Variants in MAPKAP1 observed in about 807,000 individuals in gnomAD.
MAPKAP1 encodes the protein target of rapamycin complex 2 subunit MAPKAP1.
In MAPKAP1, 20 loss-of-function variants were observed where a neutral mutation model predicts 65.7. That is an observed-to-expected ratio of 0.30 (90% CI 0.21 to 0.44). The LOEUF (loss-of-function observed/expected upper bound fraction) is 0.44. Ranked by LOEUF, MAPKAP1 falls within the 20% of genes least tolerant of loss-of-function variation. The pLI, the probability that MAPKAP1 is intolerant of heterozygous loss-of-function variation, is 1.00. For missense variants in MAPKAP1, 423 were observed against 648.0 expected (o/e 0.65, Z 3.77); for synonymous variants, 222 against 244.3 (o/e 0.91, Z 0.85).
At chr9:125,560,323 T>C (rs575111032) in intron 5 of MAPKAP1, among the ~76,000 whole-genome samples, 1 of 152,254 alleles carries the variant, frequency 6.6e-6, no homozygotes, top group South Asian at 2.1e-4. Flanking sequence ...TGGTGGCTCA[T>C]GCCTGTAATC....
intron 4 of MAPKAP1, among the ~76,000 whole-genome samples, chr9:125,624,659 G>C (rs1833040843): frequency 2.8e-5 from 2 of 71,864 alleles, no homozygotes; most frequent in Non-Finnish European, 6.0e-5. Flanking sequence ...CGTCCGGGAG[G>C]TGAGGGGCGC....
At chr9:125,592,616 A>G (rs1324134136) in intron 4 of MAPKAP1, among the ~76,000 whole-genome samples, 2 of 152,166 alleles carry the variant, frequency 1.3e-5, no homozygotes, top group African/African-American at 4.8e-5. Flanking sequence ...AGAACATACT[A>G]TGTGCTGGCC....
chr9:125,635,050 T>G (rs1833384820), intron 4 of MAPKAP1, among the ~76,000 whole-genome samples: 1 of 152,236 alleles, frequency 6.6e-6, no homozygotes, highest in African/African-American at 2.4e-5. Context: ...ACCAGTCTCA[T>G]GATGGACTCA....
At chr9:125,519,726 C>G (rs1385698510) in intron 7 of MAPKAP1, among the ~76,000 whole-genome samples, 2 of 150,652 alleles carry the variant, frequency 1.3e-5, no homozygotes, top group African/African-American at 4.9e-5. Flanking sequence ...CAACTGCAGA[C>G]CAAGGGTCAG....
chr9:125,693,413 T>C (rs1239860484), intron 1 of MAPKAP1, among the ~76,000 whole-genome samples: 5 of 91,456 alleles, frequency 5.5e-5, no homozygotes, highest in African/African-American at 2.7e-4. Flanking sequence ...AAATTCCGCC[T>C]CAAAAAAAAA....
chr9:125,661,586 T>C (rs893161735), intron 3 of MAPKAP1, among the ~76,000 whole-genome samples: 4 of 152,206 alleles, frequency 2.6e-5, no homozygotes, highest in African/African-American at 9.7e-5. Flanking sequence ...GTATGCTATC[T>C]TTAATCTAAA....
chr9:125,703,436 T>C (rs369980539), intron 1 of MAPKAP1, among the ~76,000 whole-genome samples: 1 of 152,094 alleles, frequency 6.6e-6, no homozygotes, highest in Admixed American at 6.5e-5. Context: ...TCACAAAAAC[T>C]TCGAACTCAC....
At chr9:125,693,465 A>G (rs1247404006) in intron 1 of MAPKAP1, among the ~76,000 whole-genome samples, 1 of 150,664 alleles carries the variant, frequency 6.6e-6, no homozygotes, top group African/African-American at 2.4e-5. Context: ...ACATACATGT[A>G]TATATACACA....
chr9:125,577,873 C>T (rs1201445084), intron 5 of MAPKAP1, among the ~76,000 whole-genome samples: 4 of 151,280 alleles, frequency 2.6e-5, no homozygotes, highest in Admixed American at 6.6e-5. Context: ...TCTGCCCGGC[C>T]GCCCCTACTG....
chr9:125,667,531 T>G (rs1417391795), intron 3 of MAPKAP1, among the ~76,000 whole-genome samples: 3 of 152,208 alleles, frequency 2.0e-5, no homozygotes, highest in African/African-American at 7.2e-5. Flanking sequence ...TTGGCCAGGC[T>G]GGTCTTAAAA....
intron 4 of MAPKAP1, among the ~76,000 whole-genome samples, chr9:125,655,714 A>C (rs1391624247): frequency 6.6e-6 from 1 of 152,246 alleles, no homozygotes; most frequent in Non-Finnish European, 1.5e-5. Flanking sequence ...TATTTTAGCA[A>C]TTGTAATATG....
At chr9:125,627,552 A>T (rs1034853392) in intron 4 of MAPKAP1, among the ~76,000 whole-genome samples, 6 of 152,114 alleles carry the variant, frequency 3.9e-5, no homozygotes, top group South Asian at 2.1e-4. Flanking sequence ...CTGGAACCGG[A>T]ACACATTAGG....
intron 1 of MAPKAP1, among the ~76,000 whole-genome samples, chr9:125,698,933 A>T (rs887029758): frequency 3.3e-5 from 5 of 152,190 alleles, no homozygotes; most frequent in Non-Finnish European, 5.9e-5. Context: ...CATGAAAATG[A>T]GTCTCACTCT....
intron 4 of MAPKAP1, among the ~76,000 whole-genome samples, chr9:125,622,112 T>C (rs1832920050): frequency 6.6e-6 from 1 of 151,988 alleles, no homozygotes; most frequent in African/African-American, 2.4e-5. Context: ...GAGAGTAGAA[T>C]TGTGGGTATT....
chr9:125,458,634 C>G (rs559216450), intron 10 of MAPKAP1, among the ~76,000 whole-genome samples: 3 of 151,402 alleles, frequency 2.0e-5, no homozygotes, highest in Admixed American at 6.6e-5. Context: ...ACAGACAGGG[C>G]AACCATCCGA....
intron 1 of MAPKAP1, among the ~76,000 whole-genome samples, chr9:125,681,461 C>T (rs1172535894): frequency 1.3e-5 from 2 of 152,212 alleles, no homozygotes; most frequent in East Asian, 3.8e-4. Context: ...CACTAACCTA[C>T]CAGGAGGCAC....
chr9:125,637,805 C>T (rs555304847), intron 4 of MAPKAP1, among the ~76,000 whole-genome samples: 10 of 152,152 alleles, frequency 6.6e-5, no homozygotes, highest in African/African-American at 9.7e-5. Context: ...GACGGAATCT[C>T]GCTGTTTCCT....
At chr9:125,464,995 GACA>G (rs1365651138) in intron 10 of MAPKAP1, among the ~76,000 whole-genome samples, 3 of 151,978 alleles carry the variant, frequency 2.0e-5, no homozygotes, top group Non-Finnish European at 4.4e-5. Context: ...TAAGACTGGG[GACA>G]ACTTCATTAT....
chr9:125,526,333 T>C (rs1446681976), intron 7 of MAPKAP1, among the ~76,000 whole-genome samples: 1 of 152,220 alleles, frequency 6.6e-6, no homozygotes, highest in African/African-American at 2.4e-5. Context: ...AAAATGTACA[T>C]GTGACAGCTG....
Sources: allele counts gnomAD v4.1 joint callset (sites outside exome capture counted in the v4.1 genomes callset), GRCh38; gene constraint gnomAD v4.1.1; transcripts MANE v1.5; gene names NCBI Gene and HGNC (gene_info 2026-07-23, HGNC 2026-07-21).